DSCAM: variants seen among roughly 807,000 people sequenced by gnomAD.
DSCAM encodes the protein DS cell adhesion molecule.
In DSCAM, 47 loss-of-function variants were observed where a neutral mutation model predicts 217.7. The observed-to-expected ratio is 0.22, with a 90% CI of 0.17 to 0.28. The LOEUF is 0.28. Ranked by LOEUF, DSCAM falls within the 10% of genes least tolerant of loss-of-function variation. The pLI, the probability that DSCAM is intolerant of heterozygous loss-of-function variation, is 1.00. For synonymous variants in DSCAM, 1,056 were observed against 1,015.3 expected (o/e 1.04, Z -0.76); for missense variants, 2,080 against 2,618.3 (o/e 0.79, Z 4.49).
In DSCAM at chr21:40,044,143, G is replaced by T. The variant is rs767371034; in HGVS notation, c.5318C>A (p.Pro1773His). The change falls in exon 31 of 33, where the codon CCC becomes CAC. Residue 1773 changes from proline to histidine, a missense_variant. Coordinates refer to ENST00000400454, the MANE Select transcript of DSCAM (RefSeq NM_001389.5). The stretch of plus-strand genomic sequence containing the variant: ...TTTGTCTACTGATCCTGCAGCCCTG[G>T]GTGTTGGCAGCCTCCAGTCTGTGGT... The part of the protein sequence containing the change: ...TLTTDWRLPT[P>H]RAAGSVDKES... The T allele has an allele frequency of 1.1e-5, 18 of 1,614,116 alleles. No individual in the cohort carries two copies. The South Asian group carries it at 1.9e-4, about 17-fold the overall frequency.
intron 3 of DSCAM, among the ~76,000 whole-genome samples, chr21:40,614,397 A>C (rs368554566): frequency 1.3e-5 from 2 of 152,358 alleles, no homozygotes; most frequent in East Asian, 3.9e-4. Flanking sequence ...GGTTGTTTTA[A>C]TTATAATGAA....
At chr21:40,251,704 G>T (rs1308206968) in intron 11 of DSCAM, among the ~76,000 whole-genome samples, 1 of 152,172 alleles carries the variant, frequency 6.6e-6, no homozygotes. Context: ...CTATTCTTGA[G>T]TGTAGGTAGG....
intron 11 of DSCAM, among the ~76,000 whole-genome samples, chr21:40,211,375 T>C (rs2091182372): frequency 1.3e-5 from 2 of 152,218 alleles, no homozygotes; most frequent in African/African-American, 4.8e-5. Context: ...TGAACATAAA[T>C]TCATATTTCT....
intron 3 of DSCAM, among the ~76,000 whole-genome samples, chr21:40,628,633 T>G (rs1266554323): frequency 6.6e-6 from 1 of 152,180 alleles, no homozygotes; most frequent in East Asian, 1.9e-4. Flanking sequence ...AGAAAAAGTT[T>G]GTTGACTCTT....
intron 15 of DSCAM, among the ~76,000 whole-genome samples, chr21:40,175,333 C>T (rs879255726): frequency 3.3e-5 from 5 of 152,066 alleles, no homozygotes; most frequent in Non-Finnish European, 5.9e-5. Context: ...AGGCTGGTCT[C>T]GAACTCCTGA....
At chr21:40,743,513 T>C (rs2091145580) in intron 1 of DSCAM, among the ~76,000 whole-genome samples, 1 of 152,106 alleles carries the variant, frequency 6.6e-6, no homozygotes, top group Admixed American at 6.6e-5. Context: ...TCTGACATAA[T>C]ACAAGAGGTT....
rs188802259 is a variant in DSCAM at position 40,098,782 on chromosome 21, T to C, written c.3697-4908A>G. On this transcript the variant is annotated intron_variant, in intron 20 of 32. Transcript: ENST00000400454. Reference sequence around the variant, plus strand: ...TTTGTGGGTACACAGTGTCAGATGATTTGGAGAGACTCTTGCATGGATTCC... The same window carrying C: ...TTTGTGGGTACACAGTGTCAGATGACTTGGAGAGACTCTTGCATGGATTCC... Among the ~76,000 whole-genome samples the C allele has an allele frequency of 5.9e-3, 893 of 152,308 alleles. 11 individuals are homozygous for C. Among genetic ancestry groups the C allele is most frequent in the Middle Eastern group, 0.01 (3 of 294 alleles).
intron 3 of DSCAM, among the ~76,000 whole-genome samples, chr21:40,433,970 G>C (rs1330844262): frequency 6.6e-6 from 1 of 152,222 alleles, no homozygotes; most frequent in East Asian, 1.9e-4. Context: ...ACCTGAGGCA[G>C]CTGGAGTCCA....
intron 4 of DSCAM, among the ~76,000 whole-genome samples, chr21:40,362,089 A>C (rs924748059): frequency 1.3e-5 from 2 of 152,128 alleles, no homozygotes; most frequent in African/African-American, 2.4e-5. Flanking sequence ...ATGTCCCTAC[A>C]AAGGACATGA....
chr21:40,065,412 G>C (rs190662003), intron 27 of DSCAM, among the ~76,000 whole-genome samples: 66 of 152,180 alleles, frequency 4.3e-4, no homozygotes, highest in African/African-American at 1.5e-3. Context: ...CTTTTGTTGA[G>C]GGTGAGAAGA....
At chr21:40,350,443 GA>G (rs907170423) in intron 5 of DSCAM, among the ~76,000 whole-genome samples, 32 of 151,630 alleles carry the variant, frequency 2.1e-4, no homozygotes, top group African/African-American at 7.2e-4. Flanking sequence ...AATTTACAAG[GA>G]AAAAAACAAA....
chr21:40,524,437 T>C (rs1161539814), intron 3 of DSCAM, among the ~76,000 whole-genome samples: 2 of 152,144 alleles, frequency 1.3e-5, no homozygotes, highest in African/African-American at 4.8e-5. Context: ...AAAGGTTGAA[T>C]AGAAAAAGTT....
intron 11 of DSCAM, among the ~76,000 whole-genome samples, chr21:40,253,455 T>G (rs572798130): frequency 1.9e-4 from 29 of 152,258 alleles, no homozygotes; most frequent in African/African-American, 6.5e-4. Context: ...AACAGACCCT[T>G]TCTACTTCTG....
At chr21:40,057,614 G>A (rs981178556) in intron 28 of DSCAM, among the ~76,000 whole-genome samples, 1 of 152,144 alleles carries the variant, frequency 6.6e-6, no homozygotes, top group African/African-American at 2.4e-5. Context: ...ACAATAAGGG[G>A]TCTGCTACCA....
chr21:40,563,984 G>C (rs2076746560), intron 3 of DSCAM, among the ~76,000 whole-genome samples: 1 of 152,176 alleles, frequency 6.6e-6, no homozygotes, highest in East Asian at 1.9e-4. Flanking sequence ...GCAGAGCTGT[G>C]AGCAAGGCCA....
At chr21:40,175,811 A>ATG (rs1555886116) in intron 15 of DSCAM, among the ~76,000 whole-genome samples, 30 of 127,570 alleles carry the variant, frequency 2.4e-4, no homozygotes, top group African/African-American at 5.7e-4. Context: ...ACACACACGC[A>ATG]CACACACACA....
At chr21:40,814,326 C>T (rs1206974239) in intron 1 of DSCAM, among the ~76,000 whole-genome samples, 1 of 152,178 alleles carries the variant, frequency 6.6e-6, no homozygotes, top group African/African-American at 2.4e-5. Flanking sequence ...TATTTAATCT[C>T]AAGCTAAAAT....
At chr21:40,192,617 A>G in intron 11 of DSCAM, among the ~76,000 whole-genome samples, 1 of 152,182 alleles carries the variant, frequency 6.6e-6, no homozygotes, top group East Asian at 1.9e-4. Flanking sequence ...AGACTAACAC[A>G]ATACCCGTAT....
intron 11 of DSCAM, among the ~76,000 whole-genome samples, chr21:40,229,827 G>T (rs2091365431): frequency 6.6e-6 from 1 of 152,188 alleles, no homozygotes; most frequent in African/African-American, 2.4e-5. Context: ...AGATTTTTAT[G>T]TGGACATACA....
Sources: gnomAD v4.1 joint callset for allele counts (sites outside exome capture counted in the v4.1 genomes callset) on GRCh38, gnomAD v4.1.1 for gene constraint, MANE v1.5 for transcripts, NCBI Gene and HGNC (gene_info 2026-07-23, HGNC 2026-07-21) for gene names.